The following SLC16A14 variants were observed in gnomAD, a reference collection of about 807,000 sequenced individuals.
SLC16A14 encodes monocarboxylate transporter 14.
SLC16A14 carries 14 observed loss-of-function variants against 35.8 expected under a neutral mutation model. That is an observed-to-expected ratio of 0.39 (90% CI 0.26 to 0.61). The LOEUF is 0.61. Among genes scored for constraint, SLC16A14 ranks in the 20% least tolerant of loss-of-function variants. SLC16A14 has a pLI of 0.51. For synonymous variants in SLC16A14, 248 were observed against 258.9 expected (o/e 0.96, Z 0.40); for missense variants, 533 against 655.0 (o/e 0.81, Z 2.03).
Position 230,046,244 on chromosome 2 carries a change from C to T in SLC16A14, c.882G>A (p.Arg294=), listed in dbSNP as rs1347407367. 1.2e-6 allele frequency: 2 copies of T among 1,614,248 alleles called. 1 individual carries two copies. The highest frequency in any genetic ancestry group is 3.3e-5 in the Admixed American group (2 of 60,026). ...KTVSWLTMRV[R]KGFEDWYSGY... ...CCGAATACCAGTCCTCGAAGCCCTT[C>T]CTGACTCTCATGGTGAGCCAGCTGA... The change falls in exon 4 of 5, where the codon AGG becomes AGA. Residue 294 remains arginine (R), a synonymous_variant. Transcript: ENST00000295190. The surrounding 1 kb of genome is among the most constrained non-coding windows in gnomAD (Gnocchi z 5.0).
chr2:230,054,881 C>A (rs1378695647), intron 2 of SLC16A14, among the ~76,000 whole-genome samples: 1 of 141,698 alleles, frequency 7.1e-6, no homozygotes, highest in Non-Finnish European at 1.5e-5. Flanking sequence ...GGCGACAGAG[C>A]GAGACTCCAT....
rs1011801467 is a variant in SLC16A14, at chr2:230,056,261, T to G, written c.259+2833A>C. 1.9e-3 allele frequency among the ~76,000 whole-genome samples: 282 copies of G among 149,816 alleles called. 1 individual carries two copies. The highest frequency in any genetic ancestry group is 6.7e-3 in the African/African-American group (272 of 40,700). Reference sequence around the variant, plus strand: ...TGTTACTAATATTGGTGTTTTTTTTTTTTTTTTTTTTGAGACGTAGTCTCA... The same window carrying G: ...TGTTACTAATATTGGTGTTTTTTTTGTTTTTTTTTTTGAGACGTAGTCTCA... On this transcript the variant is annotated intron_variant, in intron 2 of 4. Transcript: ENST00000295190.
At chr2:230,059,401 T>A in intron 1 of SLC16A14, 35 bp from the exon 2 acceptor site, 1 of 1,474,810 alleles carries the variant, frequency 6.8e-7, no homozygotes, top group Non-Finnish European at 9.1e-7. Context: ...TCATGGAACA[T>A]CAAAAGGAAA....
chr2:230,040,652 C>T (rs2077554176), intron 4 of SLC16A14, among the ~76,000 whole-genome samples: 4 of 152,086 alleles, frequency 2.6e-5, no homozygotes, highest in Admixed American at 2.0e-4. Context: ...AAAAAAAGCA[C>T]ATCCAACTTC....
intron 2 of SLC16A14, among the ~76,000 whole-genome samples, chr2:230,056,109 C>A (rs967530879): frequency 6.6e-6 from 1 of 152,138 alleles, no homozygotes; most frequent in Non-Finnish European, 1.5e-5. Flanking sequence ...CATAATGGTG[C>A]CTTTATTTAA....
In SLC16A14 at chr2:230,057,901, T is replaced by C. The variant is rs112950065; in HGVS notation, c.259+1193A>G. ...AAAATTAGCCGGGCGTGGTAGTGGG[T>C]GCCTGTAGTCCCAGCTACTAGGGAG... is the stretch of plus-strand genomic sequence containing the variant. On this transcript the variant is annotated intron_variant, in intron 2 of 4. Coordinates refer to ENST00000295190, the MANE Select transcript of SLC16A14 (RefSeq NM_152527.5). Among the ~76,000 whole-genome samples, 1,032 of 151,994 alleles carry C rather than the reference T, an allele frequency of 6.8e-3. 10 individuals carry two copies. The highest frequency in any genetic ancestry group is 0.023 in the African/African-American group (962 of 41,480).
chr2:230,039,615 G>A (rs541655899), intron 4 of SLC16A14, among the ~76,000 whole-genome samples: 1 of 152,162 alleles, frequency 6.6e-6, no homozygotes, highest in South Asian at 2.1e-4. Context: ...AATACATGAT[G>A]GGAATAACTG....
chr2:230,064,288 CTG>C (rs370970241), intron 1 of SLC16A14, among the ~76,000 whole-genome samples: 10,858 of 149,430 alleles, frequency 0.073, 466 homozygotes, highest in Middle Eastern at 0.094. Context: ...TCAGCCTTGT[CTG>C]TGTGTGTGTG....
At chr2:230,055,610 C>T (rs1560478928) in intron 2 of SLC16A14, among the ~76,000 whole-genome samples, 1 of 152,190 alleles carries the variant, frequency 6.6e-6, no homozygotes. Flanking sequence ...CACATTTCAC[C>T]ATGAGTTAGG....
At position 230,038,098 on chromosome 2, in the gene SLC16A14, G is replaced by A. The variant is rs1024720379; in HGVS notation, c.1382-567C>T. ...AGGTGTTATAAAATTCACATTTACA[G>A]TCACAAAACTTTAATATTTACATTT... On this transcript the variant is annotated intron_variant, in intron 4 of 4. Coordinates refer to ENST00000295190, the MANE Select transcript of SLC16A14 (RefSeq NM_152527.5). The surrounding 1 kb of genome is among the most constrained non-coding windows in gnomAD (Gnocchi z 4.4). Among the ~76,000 whole-genome samples the A allele has an allele frequency of 6.6e-6, 1 of 152,120 alleles. No homozygotes were observed. Among genetic ancestry groups the A allele is most frequent in the Non-Finnish European group, 1.5e-5 (1 of 68,020 alleles).
At chr2:230,055,634 G>A (rs1005108778) in intron 2 of SLC16A14, among the ~76,000 whole-genome samples, 1 of 152,056 alleles carries the variant, frequency 6.6e-6, no homozygotes, top group Non-Finnish European at 1.5e-5. Context: ...TCTTATTTTG[G>A]GGATCATCTT....
In SLC16A14 at chr2:230,041,772, T is replaced by C. The variant is rs35193447; in HGVS notation, c.1381+3973A>G. Among the ~76,000 whole-genome samples, 5 of 152,078 alleles carry C rather than the reference T, an allele frequency of 3.3e-5. No homozygotes were observed. In the East Asian group the frequency reaches 9.6e-4, roughly 29 times the overall value. On this transcript the variant is annotated intron_variant, in intron 4 of 4. Coordinates refer to ENST00000295190, the MANE Select transcript of SLC16A14 (RefSeq NM_152527.5). The stretch of plus-strand genomic sequence containing the variant: ...CTACATTCTTGAAACTGTTTTTTTT[T>C]AAAAAGAAGGTGATGTGAACAGTAA...
chr2:230,046,168 T>C lies in SLC16A14; in HGVS notation c.958A>G (p.Ile320Val), dbSNP rs148930139. The C allele has an allele frequency of 3.1e-6, 5 of 1,613,740 alleles. No homozygotes were observed. The African/African-American group carries it at 6.7e-5, about 22-fold the overall frequency. Residue 320 changes from isoleucine (I) to valine (V), a missense_variant, in exon 4 of 5, where the codon ATT becomes GTT. Physicochemically the swap from Ile to Val is conservative, Grantham distance 29. Transcript: ENST00000295190. This position sits in a 1 kb window ranked among gnomAD's most constrained non-coding sequence, Gnocchi z 5.0. ...LFTNRMFVAF[I>V]FWALFAYSSF... ...CTGTATGCAAACAAAGCCCAGAAAA[T>C]AAAGGCTACAAACATTCGATTTGTA... is the stretch of plus-strand genomic sequence containing the variant.
chr2:230,061,556 A>G (rs927163827), intron 1 of SLC16A14, among the ~76,000 whole-genome samples: 6 of 152,206 alleles, frequency 3.9e-5, no homozygotes, highest in African/African-American at 1.2e-4. Context: ...GTGCCAGCAC[A>G]ACTATTGTCC....
chr2:230,041,810 C>T (rs1418392776), intron 4 of SLC16A14, among the ~76,000 whole-genome samples: 1 of 152,076 alleles, frequency 6.6e-6, no homozygotes. Flanking sequence ...TTCCTTGCAG[C>T]AAACCCAGCT....
At chr2:230,066,637 C>CTTTT (rs779250095) in intron 1 of SLC16A14, 7 of 338,484 alleles carry the variant, frequency 2.1e-5, no homozygotes, top group African/African-American at 1.4e-4. Context: ...ACAAGCAAGT[C>CTTTT]ATTTTTTTTT....
rs181860156 is a variant in SLC16A14 at position 230,066,363 on chromosome 2, A to G, written c.-15+2192T>C. ...CAAGCTTGCTATTGGAAGCTTGACA[A>G]AAAATATTAGGGCTTCGTTATGAAG... On this transcript the variant is annotated intron_variant, in intron 1 of 4. Transcript: ENST00000295190. Among the ~76,000 whole-genome samples the G allele has an allele frequency of 1.8e-3, 269 of 152,288 alleles. 2 individuals carry two copies. The highest frequency in any genetic ancestry group is 6.2e-3 in the African/African-American group (259 of 41,564).
chr2:230,051,408 G>C (rs189599740), intron 2 of SLC16A14, among the ~76,000 whole-genome samples: 3 of 152,308 alleles, frequency 2.0e-5, no homozygotes, highest in Non-Finnish European at 2.9e-5. Flanking sequence ...GGATCTGTCT[G>C]CCTTGGCCTC....
chr2:230,067,858 G>A (rs2077814319), intron 1 of SLC16A14, among the ~76,000 whole-genome samples: 1 of 152,214 alleles, frequency 6.6e-6, no homozygotes, highest in South Asian at 2.1e-4. Context: ...AGGGGGCCCA[G>A]CCTCTGCGCG....
Sources: allele counts gnomAD v4.1 joint callset (sites outside exome capture counted in the v4.1 genomes callset), GRCh38; gene constraint gnomAD v4.1.1; non-coding constraint Gnocchi (gnomAD v3.1); transcripts MANE v1.5; gene names NCBI Gene and HGNC (gene_info 2026-07-23, HGNC 2026-07-21).